The following CYP7B1 variants were observed in gnomAD, a reference collection of about 807,000 sequenced individuals.
CYP7B1 encodes cytochrome P450 7B1.
CYP7B1 carries 29 observed loss-of-function variants against 42.7 expected under a neutral mutation model. That is an observed-to-expected ratio of 0.68 (90% CI 0.51 to 0.93). CYP7B1 has a LOEUF of 0.93. Among genes scored for constraint, CYP7B1 ranks in the 40% least tolerant of loss-of-function variants. The pLI is 0.00. For synonymous variants in CYP7B1, 235 were observed against 218.2 expected (o/e 1.08, Z -0.68); for missense variants, 655 against 600.5 (o/e 1.09, Z -0.95).
At chr8:64,645,858 C>A (rs1563375636) in intron 1 of CYP7B1, among the ~76,000 whole-genome samples, 1 of 152,012 alleles carries the variant, frequency 6.6e-6, no homozygotes, top group African/African-American at 2.4e-5. Flanking sequence ...AGATATAGAT[C>A]AATGGAACAG....
chr8:64,614,071 C>T (rs1012247398), intron 4 of CYP7B1, among the ~76,000 whole-genome samples: 2 of 152,084 alleles, frequency 1.3e-5, no homozygotes, highest in African/African-American at 4.8e-5. Flanking sequence ...GAATATTGTA[C>T]CCTAAAGGAT....
At chr8:64,644,703 A>C (rs541782042) in intron 1 of CYP7B1, among the ~76,000 whole-genome samples, 50 of 152,294 alleles carry the variant, frequency 3.3e-4, no homozygotes, top group African/African-American at 1.1e-3. Context: ...TAGATGGCTG[A>C]AGTCTGGGCT....
At chr8:64,740,742 C>G (rs13266737) in intron 1 of CYP7B1, among the ~76,000 whole-genome samples, 43,868 of 151,830 alleles carry the variant, frequency 0.29, 7,573 homozygotes, top group African/African-American at 0.48. Context: ...CCACAAATTT[C>G]ACAACTTAGT....
chr8:64,722,865 T>C (rs1395253485), intron 1 of CYP7B1, among the ~76,000 whole-genome samples: 1 of 151,648 alleles, frequency 6.6e-6, no homozygotes, highest in Non-Finnish European at 1.5e-5. Flanking sequence ...GGAAGCCTGA[T>C]CAATCTGTCT....
At chr8:64,773,503 A>G (rs1804270965) in intron 1 of CYP7B1, among the ~76,000 whole-genome samples, 1 of 152,226 alleles carries the variant, frequency 6.6e-6, no homozygotes, top group Non-Finnish European at 1.5e-5. Flanking sequence ...TGCAAAAAAT[A>G]ACAGTACAAC....
At chr8:64,783,507 G>A (rs1011459424) in intron 1 of CYP7B1, among the ~76,000 whole-genome samples, 14 of 151,278 alleles carry the variant, frequency 9.3e-5, no homozygotes, top group Admixed American at 6.6e-5. Context: ...TATGTCGGGT[G>A]AGAGGGCTGA....
At chr8:64,700,284 C>T (rs999617958) in intron 1 of CYP7B1, among the ~76,000 whole-genome samples, 3 of 152,092 alleles carry the variant, frequency 2.0e-5, no homozygotes, top group African/African-American at 7.2e-5. Flanking sequence ...TCCTTTCTAA[C>T]AACCACCAGG....
intron 1 of CYP7B1, among the ~76,000 whole-genome samples, chr8:64,676,016 G>T (rs920554176): frequency 1.3e-5 from 2 of 151,776 alleles, no homozygotes; most frequent in Non-Finnish European, 2.9e-5. Flanking sequence ...TCCCCAGTCC[G>T]GACAGAGTGC....
chr8:64,590,380 T>C (rs1468962717), downstream of CYP7B1, among the ~76,000 whole-genome samples: 1 of 152,244 alleles, frequency 6.6e-6, no homozygotes, highest in Admixed American at 6.5e-5. Context: ...ATGCTTTATT[T>C]ACAATTTATT....
At chr8:64,656,568 C>G (rs1487290379) in intron 1 of CYP7B1, among the ~76,000 whole-genome samples, 4 of 152,180 alleles carry the variant, frequency 2.6e-5, no homozygotes, top group Non-Finnish European at 5.9e-5. Flanking sequence ...CAGGGAAGGC[C>G]TAGCTGCCAA....
rs987925154 is a variant in CYP7B1, at chr8:64,635,592, C to T, written c.123-11053G>A. ...TTGACTTAAAACTTGATTTAATTTTCCTGCAAAGATATTCACTGTTCAAGC... is the reference window on the plus strand; with the variant it reads ...TTGACTTAAAACTTGATTTAATTTTTCTGCAAAGATATTCACTGTTCAAGC... On this transcript the variant is annotated intron_variant, in intron 1 of 5. Transcript: ENST00000310193. Among the ~76,000 whole-genome samples the T allele has an allele frequency of 9.2e-5, 14 of 152,192 alleles. 1 individual carries two copies. Among genetic ancestry groups the T allele is most frequent in the Admixed American group, 7.9e-4 (12 of 15,280 alleles).
chr8:64,609,358 A>G (rs1585803734), intron 4 of CYP7B1, among the ~76,000 whole-genome samples: 1 of 152,348 alleles, frequency 6.6e-6, no homozygotes, highest in East Asian at 1.9e-4. Context: ...AACTCCAATG[A>G]TAGCATTCAG....
chr8:64,608,602 A>T (rs1303043296), intron 4 of CYP7B1, among the ~76,000 whole-genome samples: 1 of 151,674 alleles, frequency 6.6e-6, no homozygotes, highest in African/African-American at 2.4e-5. Flanking sequence ...GAAGGTGGTT[A>T]TAAAAGGGGG....
At chr8:64,684,367 G>A (rs533501315) in intron 1 of CYP7B1, among the ~76,000 whole-genome samples, 13 of 152,108 alleles carry the variant, frequency 8.5e-5, no homozygotes, top group Non-Finnish European at 1.6e-4. Flanking sequence ...AACTGAGAGC[G>A]ATAACAATAT....
intron 5 of CYP7B1, among the ~76,000 whole-genome samples, chr8:64,604,420 C>T (rs1026297365): frequency 1.3e-5 from 2 of 152,174 alleles, no homozygotes; most frequent in East Asian, 1.9e-4. Flanking sequence ...GTGGCCAAGG[C>T]GCAATGTCCA....
intron 1 of CYP7B1, among the ~76,000 whole-genome samples, chr8:64,717,822 G>T (rs1292715958): frequency 4.0e-5 from 6 of 151,696 alleles, no homozygotes; most frequent in Non-Finnish European, 7.4e-5. Context: ...ACTCCAGCCT[G>T]GGCAACAGAA....
At chr8:64,719,760 C>T (rs1412479148) in intron 1 of CYP7B1, among the ~76,000 whole-genome samples, 3 of 152,170 alleles carry the variant, frequency 2.0e-5, no homozygotes, top group East Asian at 1.9e-4. Flanking sequence ...GAACAGCCCA[C>T]GCATAAAATG....
chr8:64,645,989 C>T (rs1290836165), intron 1 of CYP7B1, among the ~76,000 whole-genome samples: 8 of 152,042 alleles, frequency 5.3e-5, no homozygotes, highest in Non-Finnish European at 8.8e-5. Flanking sequence ...GAAAACTGGC[C>T]AGCCATATGT....
chr8:64,709,851 T>C (rs988629112), intron 1 of CYP7B1, among the ~76,000 whole-genome samples: 5 of 152,188 alleles, frequency 3.3e-5, no homozygotes, highest in African/African-American at 1.2e-4. Flanking sequence ...GGATTTGATT[T>C]CTGTGTTAAT....
Sources: allele counts gnomAD v4.1 joint callset (sites outside exome capture counted in the v4.1 genomes callset), GRCh38; gene constraint gnomAD v4.1.1; transcripts MANE v1.5; gene names NCBI Gene and HGNC (gene_info 2026-07-23, HGNC 2026-07-21).